Variants in ZNF469 observed in about 807,000 individuals in gnomAD.
ZNF469 encodes the protein zinc finger protein 469.
A neutral mutation model predicts 1.0 loss-of-function variants in ZNF469; 1 was observed. The ratio of observed to expected loss-of-function variants is 1.00; its 90% confidence interval spans 0.35 to 4.73. The LOEUF is 4.73. Among genes scored for constraint, ZNF469 ranks in the 30% most tolerant of loss-of-function variants. The pLI is 0.16. For missense variants in ZNF469, 6,100 were observed against 5,356.3 expected (o/e 1.14, Z -4.33); for synonymous variants, 2,703 against 2,363.4 (o/e 1.14, Z -4.17).
At chr16:88,225,807 C>T in the ZNF469 span, among the ~76,000 whole-genome samples, 3 of 152,244 alleles carry the variant, frequency 2.0e-5, no homozygotes, top group African/African-American at 7.2e-5. Flanking sequence ...CATCTCCATC[C>T]TGGGCTTCCA....
At chr16:88,186,239 A>G in the ZNF469 span, among the ~76,000 whole-genome samples, 164 of 152,274 alleles carry the variant, frequency 1.1e-3, 1 homozygote, top group African/African-American at 3.7e-3. Context: ...CTTCACGTTC[A>G]AGGATGCCCT....
At position 88,436,015 on chromosome 16, in the gene ZNF469, C is replaced by T. The variant is rs1906545665; in HGVS notation, c.8545C>T (p.Pro2849Ser). 1 of 1,550,278 alleles carries T rather than the reference C, an allele frequency of 6.5e-7. No homozygotes were observed. Among genetic ancestry groups the T allele is most frequent in the Non-Finnish European group, 8.7e-7 (1 of 1,146,992 alleles). The stretch of plus-strand genomic sequence containing the variant: ...TGCCTCTGGCTCCAGTGCCAAGGAT[C>T]CTCCAAGCTTGTTTGATGATGAGGT... ...PDASGSSAKD[P>S]PSLFDDEVSF... The change falls in exon 3 of 3, where the codon CCT becomes TCT. Residue 2849 changes from proline (P) to serine (S), a missense_variant. By Grantham distance (74) the Pro-to-Ser change is moderately conservative. Coordinates refer to ENST00000565624, the MANE Select transcript of ZNF469 (RefSeq NM_001367624.2).
chr16:88,436,713 G>C lies in ZNF469; in HGVS notation c.9243G>C (p.Thr3081=), dbSNP rs752856857. Residue 3081 remains threonine (T), a synonymous_variant, in exon 3 of 3, where the codon ACG becomes ACC. Transcript: ENST00000565624. ...PGPSFLDFEG[T]ASSQGPQSRR... ...CCAGCTTCTTAGACTTCGAGGGCAC[G>C]GCGAGCTCACAGGGGCCACAGAGCC... 2.6e-6 allele frequency: 4 copies of C among 1,549,356 alleles called. No individual in the cohort carries two copies. The highest frequency in any genetic ancestry group is 2.4e-5 in the East Asian group (1 of 40,888).
the ZNF469 span, among the ~76,000 whole-genome samples, chr16:88,263,368 A>C: frequency 6.6e-6 from 1 of 152,174 alleles, no homozygotes; most frequent in Non-Finnish European, 1.5e-5. Context: ...CGCCGAGGTG[A>C]GTCCTCTGTG....
At chr16:88,339,793 T>C in the ZNF469 span, among the ~76,000 whole-genome samples, 1 of 44,698 alleles carries the variant, frequency 2.2e-5, no homozygotes, top group African/African-American at 8.6e-5. Context: ...GGCAGGGGGA[T>C]GGGGGGACAT....
the ZNF469 span, among the ~76,000 whole-genome samples, chr16:88,185,159 A>G: frequency 2.7e-5 from 1 of 37,552 alleles, no homozygotes; most frequent in Non-Finnish European, 9.2e-5. Context: ...TCACACTCAC[A>G]GGCACACCCA....
the ZNF469 span, among the ~76,000 whole-genome samples, chr16:88,241,740 G>A: frequency 2.6e-5 from 4 of 152,182 alleles, no homozygotes; most frequent in African/African-American, 9.6e-5. The surrounding 1 kb of genome is among the most constrained non-coding windows in gnomAD (Gnocchi z 4.8). Context: ...GGAGAAGGAT[G>A]CCATGTCTGA....
chr16:88,115,543 G>A, the ZNF469 span, among the ~76,000 whole-genome samples: 1 of 151,894 alleles, frequency 6.6e-6, no homozygotes, highest in Non-Finnish European at 1.5e-5. Flanking sequence ...CTAAAAATAT[G>A]CACCGTCCAG....
At chr16:88,136,934 C>G in the ZNF469 span, among the ~76,000 whole-genome samples, 17 of 152,236 alleles carry the variant, frequency 1.1e-4, no homozygotes, top group African/African-American at 3.9e-4. Flanking sequence ...ACTCAAAGAT[C>G]TCAGCATCCT....
the ZNF469 span, among the ~76,000 whole-genome samples, chr16:88,143,369 TAGCGGGGTGGGGTGCAG>T: frequency 2.0e-4 from 30 of 152,156 alleles, no homozygotes; most frequent in African/African-American, 7.0e-4. Flanking sequence ...GTGGAGCGCC[TAGCGGGGTGGGGTGCAG>T]AGCGGGCTGG....
At chr16:88,108,779 T>G in the ZNF469 span, among the ~76,000 whole-genome samples, 1 of 152,224 alleles carries the variant, frequency 6.6e-6, no homozygotes, top group South Asian at 2.1e-4. Flanking sequence ...AATAGCTTCT[T>G]GCCCTCACTC....
the ZNF469 span, among the ~76,000 whole-genome samples, chr16:88,374,718 A>ATGTGCGGTGGGCTGAGCTCGGCTCCG: frequency 6.6e-6 from 1 of 151,526 alleles, no homozygotes; most frequent in Non-Finnish European, 1.5e-5. Context: ...GCTCAGCACC[A>ATGTGCGGTGGGCTGAGCTCGGCTCCG]TGTGCGGTGG....
intron 1 of ZNF469, among the ~76,000 whole-genome samples, chr16:88,413,378 G>A (rs941241607): frequency 6.6e-6 from 1 of 152,230 alleles, no homozygotes; most frequent in African/African-American, 2.4e-5. Flanking sequence ...GAGGTGGCAG[G>A]AGGAACGCAG....
chr16:88,127,223 C>G, the ZNF469 span, among the ~76,000 whole-genome samples: 1 of 151,992 alleles, frequency 6.6e-6, no homozygotes, highest in African/African-American at 2.4e-5. Flanking sequence ...TTCTTTCCAG[C>G]GTTGTCCGCG....
the ZNF469 span, among the ~76,000 whole-genome samples, chr16:88,332,716 G>A: frequency 6.6e-6 from 1 of 152,330 alleles, no homozygotes; most frequent in South Asian, 2.1e-4. Flanking sequence ...GCAGGATGGG[G>A]GAGGGGGGGC....
In ZNF469 at chr16:88,406,116, C is replaced by T. The variant is rs931011747; in HGVS notation, c.-191-18691C>T. ...GAGCCGACCACGCCACCACGAGCCA[C>T]CGTGTCCAGCCAGGCCCGACGACCT... On this transcript the variant is annotated intron_variant, in intron 1 of 2. Transcript: ENST00000565624. Among the ~76,000 whole-genome samples, 4 of 152,388 alleles carry T rather than the reference C, an allele frequency of 2.6e-5. No homozygotes were observed. In the South Asian group the frequency reaches 6.2e-4, roughly 24 times the overall value.
the ZNF469 span, among the ~76,000 whole-genome samples, chr16:88,175,672 T>C: frequency 6.6e-6 from 1 of 152,216 alleles, no homozygotes; most frequent in African/African-American, 2.4e-5. Flanking sequence ...TCCATCACAC[T>C]GTATAGAGTT....
chr16:88,149,602 G>C, the ZNF469 span, among the ~76,000 whole-genome samples: 69 of 152,134 alleles, frequency 4.5e-4, no homozygotes, highest in African/African-American at 1.3e-3. Context: ...AAAGTAGCAA[G>C]GGGACTGATT....
chr16:88,252,648 A>G, the ZNF469 span, among the ~76,000 whole-genome samples: 1 of 152,212 alleles, frequency 6.6e-6, no homozygotes, highest in Non-Finnish European at 1.5e-5. Flanking sequence ...AAGTATGTTG[A>G]TATCTATAGA....
Sources: allele counts gnomAD v4.1 joint callset (sites outside exome capture counted in the v4.1 genomes callset), GRCh38; gene constraint gnomAD v4.1.1; non-coding constraint Gnocchi (gnomAD v3.1); transcripts MANE v1.5; gene names NCBI Gene and HGNC (gene_info 2026-07-23, HGNC 2026-07-21).